Variants in N4BP2 observed in about 807,000 individuals in gnomAD.
The protein encoded by N4BP2 is NEDD4 binding protein 2, also known as NEDD4-binding protein 2.
In N4BP2, 91 loss-of-function variants were observed where a neutral mutation model predicts 152.8. The ratio of observed to expected loss-of-function variants is 0.60; its 90% CI spans 0.50 to 0.71. N4BP2 has a LOEUF of 0.71. Ranked by LOEUF, N4BP2 falls within the 30% of genes least tolerant of loss-of-function variation. N4BP2 has a pLI of 0.00. For missense variants in N4BP2, 1,923 were observed against 2,059.1 expected (o/e 0.93, Z 1.28); for synonymous variants, 646 against 705.3 (o/e 0.92, Z 1.33).
chr4:40,182,372 A>G, the N4BP2 span, among the ~76,000 whole-genome samples: 4 of 152,220 alleles, frequency 2.6e-5, no homozygotes, highest in Non-Finnish European at 5.9e-5. Flanking sequence ...TCCTGTAGGC[A>G]GTAGGGAGCC....
chr4:40,100,281 ACTTAT>A (rs1397121551), intron 3 of N4BP2, among the ~76,000 whole-genome samples: 1 of 151,942 alleles, frequency 6.6e-6, no homozygotes, highest in Non-Finnish European at 1.5e-5. Flanking sequence ...CTGTTTCCAG[ACTTAT>A]CTTTCTTAAA....
Position 40,155,802 on chromosome 4 carries a change from A to G in N4BP2, c.*1565A>G, listed in dbSNP as rs1266638008. On this transcript the variant is annotated 3_prime_UTR_variant, in exon 18 of 18. Coordinates refer to ENST00000261435, the MANE Select transcript of N4BP2 (RefSeq NM_018177.6). ...GTTTTCCAAAAGAGCAGACATTTCA[A>G]TGAAAATAAAACCCCAAAACATTTT... 2.0e-5 allele frequency: 3 copies of G among 152,216 alleles called. No individual in the cohort carries two copies. The highest frequency in any genetic ancestry group is 4.4e-5 in the Non-Finnish European group (3 of 67,996). 9.4% of individuals were successfully genotyped at this position (152,216 alleles called of 1,614,324 possible). A position where few individuals can be genotyped will look rare whatever the true frequency, so the allele number is the denominator to read the frequency against.
chr4:40,137,111 A>T, intron 14 of N4BP2, 29 bp downstream of exon 14: 1 of 1,540,822 alleles, frequency 6.5e-7, no homozygotes, highest in Middle Eastern at 1.7e-4. Flanking sequence ...TTTTTCTACA[A>T]GGGTAGATAA....
chr4:40,071,233 A>T (rs1241032520), intron 1 of N4BP2, among the ~76,000 whole-genome samples: 2 of 152,076 alleles, frequency 1.3e-5, no homozygotes, highest in African/African-American at 2.4e-5. Flanking sequence ...TGAGACGATT[A>T]CATTTTGTAT....
intron 1 of N4BP2, among the ~76,000 whole-genome samples, chr4:40,066,832 A>G (rs1711570104): frequency 6.6e-6 from 1 of 152,012 alleles, no homozygotes; most frequent in Admixed American, 6.6e-5. Context: ...CATCTTGCCA[A>G]ACTGAAACTC....
In N4BP2 at chr4:40,097,431, G is replaced by C. The variant is rs1474782718; in HGVS notation, c.91G>C (p.Glu31Gln). 1 of 1,614,110 alleles carries C rather than the reference G, an allele frequency of 6.2e-7. No individual in the cohort carries two copies. Among genetic ancestry groups the C allele is most frequent in the East Asian group, 2.2e-5 (1 of 44,872 alleles). ...TGTCGTATCCAGTGTTGCTAGTCGT[G>C]AGGAGCCAACCACTACTCTACCTTC... ...EVVVSSVASR[E>Q]EPTTTLPSMG... The change falls in exon 3 of 18, where the codon GAG becomes CAG. Residue 31 changes from glutamate to glutamine, a missense_variant. Physicochemically the swap from Glu to Gln is conservative, Grantham distance 29. Coordinates refer to ENST00000261435, the MANE Select transcript of N4BP2 (RefSeq NM_018177.6).
In N4BP2 at chr4:40,120,007, C is replaced by A; in HGVS notation, c.1896C>A (p.Phe632Leu). 1.3e-6 allele frequency: 2 copies of A among 1,576,920 alleles called. No homozygotes were observed. The highest frequency in any genetic ancestry group is 2.2e-5 in the South Asian group (2 of 89,414). The change falls in exon 9 of 18, where the codon TTC becomes TTA. Residue 632 changes from phenylalanine to leucine, a missense_variant. Coordinates refer to ENST00000261435, the MANE Select transcript of N4BP2 (RefSeq NM_018177.6). ...ILSLSLKHLE[F>L]TEEKNLDVTK... ...CTTTATCTTTGAAGCATCTAGAGTTCACTGAAGAGAAGAATCTTGATGTAA... is the reference window on the plus strand; with the variant it reads ...CTTTATCTTTGAAGCATCTAGAGTTAACTGAAGAGAAGAATCTTGATGTAA...
At position 40,077,444 on chromosome 4, in the gene N4BP2, G is replaced by A. The variant is rs1295617976; in HGVS notation, c.-115+3893G>A. On this transcript the variant is annotated intron_variant, in intron 2 of 17. Coordinates refer to ENST00000261435, the MANE Select transcript of N4BP2 (RefSeq NM_018177.6). The stretch of plus-strand genomic sequence containing the variant: ...ATTACAGGCGTGAACCACTGTGTCT[G>A]GCCAGAATATCTTTTTTTTTTTTTT... 3.0e-5 allele frequency among the ~76,000 whole-genome samples: 4 copies of A among 135,304 alleles called. No homozygotes were observed. The East Asian group carries it at 8.9e-4, about 30-fold the overall frequency. The allele number at this position is 135,304 out of a possible 152,430, so 88.8% of individuals were successfully genotyped here. A position where few individuals can be genotyped will look rare whatever the true frequency, so the allele number is the denominator to read the frequency against.
At chr4:40,126,456 T>G (rs1718419318) in intron 12 of N4BP2, 126 bp downstream of exon 12, 2 of 509,586 alleles carry the variant, frequency 3.9e-6, no homozygotes, top group Non-Finnish European at 6.7e-6. Context: ...AATTTAATGT[T>G]AAAATTGAAA....
In N4BP2 at chr4:40,077,643, G is replaced by A. The variant is rs189936107; in HGVS notation, c.-115+4092G>A. The stretch of plus-strand genomic sequence containing the variant: ...TAATTTTTGTATTTTTAGTAGAGGT[G>A]GGGTTTCACTATGTTGACCAGGCTA... On this transcript the variant is annotated intron_variant, in intron 2 of 17. Transcript: ENST00000261435. 4.8e-4 allele frequency among the ~76,000 whole-genome samples: 73 copies of A among 151,752 alleles called. 1 individual carries two copies. The highest frequency in any genetic ancestry group is 1.6e-3 in the African/African-American group (65 of 41,382).
At chr4:40,107,153 G>A (rs1328929527) in intron 5 of N4BP2, 129 bp downstream of exon 5, 12 of 866,930 alleles carry the variant, frequency 1.4e-5, no homozygotes, top group Non-Finnish European at 1.8e-5. Flanking sequence ...AGGCTAGAGT[G>A]CAGTGGCATG....
At chr4:40,132,084 G>C (rs772577746) in intron 13 of N4BP2, among the ~76,000 whole-genome samples, 165 bp downstream of exon 13, 5 of 152,022 alleles carry the variant, frequency 3.3e-5, no homozygotes, top group Non-Finnish European at 7.4e-5. Flanking sequence ...CACGAATATA[G>C]CTAAACCCTC....
At chr4:40,059,542 T>A (rs943070790) in intron 1 of N4BP2, among the ~76,000 whole-genome samples, 1 of 151,644 alleles carries the variant, frequency 6.6e-6, no homozygotes. Flanking sequence ...TAGGGATGGG[T>A]TTTTGTCATG....
intron 13 of N4BP2, 64 bp downstream of exon 13, chr4:40,131,983 T>G: frequency 1.0e-6 from 1 of 998,506 alleles, no homozygotes; most frequent in Non-Finnish European, 1.6e-6. Context: ...ATGCCATGTT[T>G]ATTTTTCTGA....
chr4:40,120,647 G>T lies in N4BP2; in HGVS notation c.2536G>T (p.Glu846Ter), dbSNP rs1328239187. The part of the protein sequence containing the change: ...DCVQQRGSPH[E>*]SVEDGRKSQC... ...TGTCCAGCAACGAGGATCTCCACAT[G>T]AAAGTGTAGAGGATGGCAGAAAGTC... The change falls in exon 9 of 18, where the codon GAA becomes TAA. Residue 846 changes from glutamate (E) to a stop codon, truncating the protein, a stop_gained. Transcript: ENST00000261435. LOFTEE classifies it high-confidence loss of function. 1.4e-5 allele frequency: 23 copies of T among 1,613,966 alleles called. No individual in the cohort carries two copies. In the Admixed American group the frequency reaches 3.7e-4, roughly 26 times the overall value.
chr4:40,127,241 C>T (rs537315427), intron 12 of N4BP2, among the ~76,000 whole-genome samples: 1 of 150,734 alleles, frequency 6.6e-6, no homozygotes, highest in East Asian at 2.0e-4. Context: ...TTGTTTGAAA[C>T]AGGGTCTTGC....
chr4:40,185,843 G>A, the N4BP2 span, among the ~76,000 whole-genome samples: 1 of 152,034 alleles, frequency 6.6e-6, no homozygotes, highest in African/African-American at 2.4e-5. Flanking sequence ...TAATGAGAAC[G>A]CAGCAGGCTT....
chr4:40,178,535 T>A, the N4BP2 span, among the ~76,000 whole-genome samples: 3 of 152,322 alleles, frequency 2.0e-5, no homozygotes, highest in Non-Finnish European at 4.4e-5. Context: ...AGCATGTACC[T>A]TTCTGGTAGA....
chr4:40,074,636 G>C (rs1363660870), intron 2 of N4BP2, among the ~76,000 whole-genome samples: 1 of 152,216 alleles, frequency 6.6e-6, no homozygotes, highest in Non-Finnish European at 1.5e-5. Flanking sequence ...AAGACATGTT[G>C]ACTGAGGAAG....
Sources: gnomAD v4.1 joint callset for allele counts (sites outside exome capture counted in the v4.1 genomes callset) on GRCh38, gnomAD v4.1.1 for gene constraint, MANE v1.5 for transcripts, NCBI Gene and HGNC (gene_info 2026-07-23, HGNC 2026-07-21) for gene names.